The following CAPN5 variants were observed in gnomAD, a reference collection of about 807,000 sequenced individuals.
CAPN5 encodes calpain 5.
Under a neutral mutation model 73.0 loss-of-function variants are expected in CAPN5, and 54 were observed. The observed-to-expected ratio is 0.74, with a 90% CI of 0.59 to 0.93. The LOEUF (loss-of-function observed/expected upper bound fraction) is 0.93, where lower values mean the gene tolerates loss of function less well. Ranked by LOEUF, CAPN5 falls within the 40% of genes least tolerant of loss-of-function variation. The probability of loss-of-function intolerance (pLI) is 0.00; values close to 1 mark genes in which losing one functional copy is unlikely to be tolerated. For missense variants in CAPN5, 785 were observed against 882.9 expected (o/e 0.89, Z 1.41); for synonymous variants, 335 against 356.9 (o/e 0.94, Z 0.69).
intron 6 of CAPN5, 129 bp downstream of exon 6, chr11:77,115,717 A>T: frequency 1.4e-6 from 1 of 702,332 alleles, no homozygotes; most frequent in Non-Finnish European, 2.4e-6. Flanking sequence ...CTAGGAACGA[A>T]GAAGGGAGAA....
chr11:77,092,078 A>G (rs1950154076), intron 2 of CAPN5, among the ~76,000 whole-genome samples: 1 of 152,064 alleles, frequency 6.6e-6, no homozygotes, highest in Admixed American at 6.6e-5. Context: ...GAGTTAGCTG[A>G]GTGTGGTGTG....
Position 77,089,751 on chromosome 11 carries a change from G to A in CAPN5, c.166-3931G>A, listed in dbSNP as rs144466978. On this transcript the variant is annotated intron_variant, in intron 2 of 12. Transcript: ENST00000648180. ...AGCTGGGTGTTGGTGGCAGGTGCCT[G>A]TAGTCCCAGCTACTCTAGAGGCTAA... Among the ~76,000 whole-genome samples the A allele has an allele frequency of 4.7e-3, 709 of 152,294 alleles. 7 individuals are homozygous for A. Among genetic ancestry groups the A allele is most frequent in the Non-Finnish European group, 3.2e-3 (216 of 68,026 alleles).
chr11:77,102,845 G>A (rs782378107), intron 3 of CAPN5: 220 of 1,588,648 alleles, frequency 1.4e-4, no homozygotes, highest in Non-Finnish European at 1.4e-4. Context: ...GGGCCATGGC[G>A]GAGGACAGGC....
chr11:77,122,087 C>T (rs1950525420), intron 11 of CAPN5, 38 bp downstream of exon 11: 1 of 1,256,566 alleles, frequency 8.0e-7, no homozygotes, highest in Non-Finnish European at 1.1e-6. Context: ...GCCCTCCTGC[C>T]AGTTGTCCCA....
At chr11:77,071,407 A>G (rs1949905354) in intron 1 of CAPN5, among the ~76,000 whole-genome samples, 2 of 152,184 alleles carry the variant, frequency 1.3e-5, no homozygotes, top group African/African-American at 2.4e-5. Flanking sequence ...GGTGGAGTGC[A>G]GCTCATTTCA....
Position 77,123,067 on chromosome 11 carries a change from G to A in CAPN5, c.1740+355G>A, listed in dbSNP as rs183425404. On this transcript the variant is annotated intron_variant, in intron 12 of 12. Transcript: ENST00000648180. ...GTGGCGTTGAGCCACTGTGTGGTGC[G>A]TGTGGCTGTTTCCCAAGAGCCTTGG... Among the ~76,000 whole-genome samples, 121 of 152,346 alleles carry A rather than the reference G, an allele frequency of 7.9e-4. 1 individual carries two copies. Among genetic ancestry groups the A allele is most frequent in the Non-Finnish European group, 6.8e-4 (46 of 68,026 alleles).
Position 77,093,762 on chromosome 11 carries a change from G to C in CAPN5, c.246G>C (p.Trp82Cys). ...ACCAGGGCCAGGTGGGCAACTGCTGGTTTGTGGCAGCCTGCTCGTCACTTG... is the reference window on the plus strand; with the variant it reads ...ACCAGGGCCAGGTGGGCAACTGCTGCTTTGTGGCAGCCTGCTCGTCACTTG... ...DLHQGQVGNC[W>C]FVAACSSLAS... The change falls in exon 3 of 13, where the codon TGG becomes TGC. Residue 82 changes from tryptophan (W) to cysteine (C), a missense_variant. Transcript: ENST00000648180. The C allele has an allele frequency of 6.2e-7, 1 of 1,612,368 alleles. No homozygotes were observed. The highest frequency in any genetic ancestry group is 1.1e-5 in the South Asian group (1 of 91,034).
chr11:77,122,538 C>T, intron 11 of CAPN5, 38 bp from the exon 12 acceptor site: 1 of 1,112,138 alleles, frequency 9.0e-7, no homozygotes, highest in East Asian at 2.7e-5. Flanking sequence ...ACAGCCCCCA[C>T]CCCCACCCTC....
rs372356064 is a variant in CAPN5 at position 77,077,853 on chromosome 11, G to T, written c.-35-6999G>T. On this transcript the variant is annotated intron_variant, in intron 1 of 12. Transcript: ENST00000648180. ...TTTTTCATATGCCTATTGACCATTT[G>T]TATGTCTTCTGTAGAGAAATGTCTA... 1.5e-3 allele frequency among the ~76,000 whole-genome samples: 230 copies of T among 152,214 alleles called. 1 individual carries two copies. Among genetic ancestry groups the T allele is most frequent in the African/African-American group, 5.0e-3 (208 of 41,542 alleles).
chr11:77,071,085 C>T (rs1949901075), intron 1 of CAPN5, among the ~76,000 whole-genome samples: 1 of 152,180 alleles, frequency 6.6e-6, no homozygotes, highest in Admixed American at 6.5e-5. Context: ...TTCAGCCCAC[C>T]CCAGGAGCTG....
At chr11:77,093,152 G>T (rs1244252613) in intron 2 of CAPN5, among the ~76,000 whole-genome samples, 3 of 152,228 alleles carry the variant, frequency 2.0e-5, no homozygotes, top group Non-Finnish European at 2.9e-5. Flanking sequence ...ATTATGCGAG[G>T]CAAGTGCCAT....
In CAPN5 at chr11:77,090,207, TAGA is replaced by T. The variant is rs1555036251; in HGVS notation, c.166-3474_166-3472del. ...CCAACCTCAGGTGGTTTCTGTTGGTTAGAGCTGGTGACCCTGAGCCTCTCCTGG... is the reference window on the plus strand; with the variant it reads ...CCAACCTCAGGTGGTTTCTGTTGGTTGCTGGTGACCCTGAGCCTCTCCTGG... On this transcript the variant is annotated intron_variant, in intron 2 of 12. Transcript: ENST00000648180. Among the ~76,000 whole-genome samples, 566 of 152,316 alleles carry T rather than the reference TAGA, an allele frequency of 3.7e-3. 3 individuals carry two copies. The highest frequency in any genetic ancestry group is 0.012 in the African/African-American group (519 of 41,564).
At chr11:77,083,124 A>G (rs1950044547) in intron 1 of CAPN5, among the ~76,000 whole-genome samples, 1 of 152,296 alleles carries the variant, frequency 6.6e-6, no homozygotes, top group African/African-American at 2.4e-5. Flanking sequence ...AGGGGCAGCC[A>G]GAGAAGTTAA....
chr11:77,109,468 C>T (rs1555040426), intron 3 of CAPN5, among the ~76,000 whole-genome samples: 1 of 152,192 alleles, frequency 6.6e-6, no homozygotes, highest in East Asian at 1.9e-4. Flanking sequence ...TGAATTGGAA[C>T]ATATTTGATG....
intron 2 of CAPN5, 91 bp downstream of exon 2, chr11:77,085,142 G>T: frequency 9.1e-7 from 1 of 1,104,322 alleles, no homozygotes. Context: ...GGTGGGAGGA[G>T]GCATCCCTGG....
At chr11:77,093,124 G>A (rs782554750) in intron 2 of CAPN5, among the ~76,000 whole-genome samples, 3 of 152,338 alleles carry the variant, frequency 2.0e-5, no homozygotes, top group Non-Finnish European at 2.9e-5. Context: ...TCCTTGGGTG[G>A]CGTGAAGACC....
chr11:77,081,413 T>C (rs1344297715), intron 1 of CAPN5, among the ~76,000 whole-genome samples: 4 of 152,180 alleles, frequency 2.6e-5, no homozygotes, highest in Non-Finnish European at 5.9e-5. Context: ...TTGGCTACAC[T>C]AGACCAACTC....
In CAPN5 at chr11:77,084,861, C is replaced by G. The variant is rs1555035148; in HGVS notation, c.-26C>G. 1.4e-5 allele frequency: 22 copies of G among 1,613,664 alleles called. No individual in the cohort carries two copies. Among genetic ancestry groups the G allele is most frequent in the East Asian group, 2.2e-5 (1 of 44,872 alleles). Reference sequence around the variant, plus strand: ...TTGCCTTCCTGTCCAGGTGTTCCCCCTCCCCTCCCTGGGGCAGCAGCCACC... The same window carrying G: ...TTGCCTTCCTGTCCAGGTGTTCCCCGTCCCCTCCCTGGGGCAGCAGCCACC... On this transcript the variant is annotated 5_prime_UTR_variant, in exon 2 of 13. Coordinates refer to ENST00000648180, the MANE Select transcript of CAPN5 (RefSeq NM_004055.5).
chr11:77,116,327 G>C lies in CAPN5; in HGVS notation c.971+24G>C, dbSNP rs781952011. ...TGGTGAGTGTGTATGTGCCCTGGGC[G>C]TCCGGGGCTGAGGGGGCTTCCCACG... is the stretch of plus-strand genomic sequence containing the variant. On this transcript the variant is annotated intron_variant, in intron 7 of 12. Transcript: ENST00000648180. 3.8e-6 allele frequency: 6 copies of C among 1,596,848 alleles called. No homozygotes were observed. The African/African-American group carries it at 8.0e-5, about 21-fold the overall frequency.
Sources: allele counts gnomAD v4.1 joint callset (sites outside exome capture counted in the v4.1 genomes callset), GRCh38; gene constraint gnomAD v4.1.1; transcripts MANE v1.5; gene names NCBI Gene and HGNC (gene_info 2026-07-23, HGNC 2026-07-21).